Variants in FAF1 observed in about 807,000 individuals in gnomAD.
FAF1 encodes the protein FAS-associated factor 1.
Under a neutral mutation model 92.5 loss-of-function variants are expected in FAF1, and 25 were observed. That is an observed-to-expected ratio of 0.27 (90% CI 0.20 to 0.38). FAF1 has a LOEUF of 0.38. Ranked by LOEUF, FAF1 falls within the 10% of genes least tolerant of loss-of-function variation. The pLI is 1.00. For missense variants in FAF1, 636 were observed against 793.3 expected (o/e 0.80, Z 2.38); for synonymous variants, 234 against 273.2 (o/e 0.86, Z 1.42).
chr1:50,672,192 C>T (rs953531087), intron 7 of FAF1, among the ~76,000 whole-genome samples: 1 of 151,930 alleles, frequency 6.6e-6, no homozygotes, highest in Non-Finnish European at 1.5e-5. Context: ...TTACAGGCAC[C>T]TGCCACCATG....
At chr1:50,520,820 G>T (rs1174505426) in intron 15 of FAF1, among the ~76,000 whole-genome samples, 1 of 152,184 alleles carries the variant, frequency 6.6e-6, no homozygotes, top group East Asian at 1.9e-4. Flanking sequence ...ACTCCAGCAT[G>T]AGCAACAGAG....
At chr1:50,711,178 G>A (rs926224627) in intron 6 of FAF1, among the ~76,000 whole-genome samples, 19 of 152,092 alleles carry the variant, frequency 1.2e-4, no homozygotes, top group African/African-American at 4.1e-4. Context: ...AAAGTGCTGC[G>A]ATTACAGGCA....
intron 17 of FAF1, among the ~76,000 whole-genome samples, chr1:50,484,403 CG>C (rs933074259): frequency 6.6e-6 from 1 of 152,032 alleles, no homozygotes; most frequent in Non-Finnish European, 1.5e-5. Context: ...ATGAGAACAA[CG>C]GAACACTTCA....
chr1:50,590,368 A>G (rs1480928520), intron 9 of FAF1, among the ~76,000 whole-genome samples: 1 of 152,062 alleles, frequency 6.6e-6, no homozygotes, highest in East Asian at 1.9e-4. Context: ...CGCTTCTTTT[A>G]TTAGTTAATT....
intron 7 of FAF1, among the ~76,000 whole-genome samples, chr1:50,700,445 AT>A: frequency 6.6e-6 from 1 of 152,214 alleles, no homozygotes; most frequent in Middle Eastern, 3.4e-3. Flanking sequence ...CAAGCTGCTG[AT>A]TTTGCCTTTG....
chr1:50,681,024 G>GAATAATAAT (rs151079216), intron 7 of FAF1, among the ~76,000 whole-genome samples: 2 of 150,720 alleles, frequency 1.3e-5, no homozygotes, highest in African/African-American at 4.9e-5. Context: ...ACTACATTCA[G>GAATAATAAT]AATAATAATA....
Position 50,919,889 on chromosome 1 carries a change from G to A in FAF1, c.45+39878C>T, listed in dbSNP as rs931174083. Reference sequence around the variant, plus strand: ...AGAACAAGGGTGGGAAAAAAGAAATGTAAGAAGTATAGCAAAGATGAGATC... The same window carrying A: ...AGAACAAGGGTGGGAAAAAAGAAATATAAGAAGTATAGCAAAGATGAGATC... On this transcript the variant is annotated intron_variant, in intron 1 of 18. Coordinates refer to ENST00000396153, the MANE Select transcript of FAF1 (RefSeq NM_007051.3). 2.6e-5 allele frequency among the ~76,000 whole-genome samples: 4 copies of A among 152,198 alleles called. No homozygotes were observed. The East Asian group carries it at 7.7e-4, about 29-fold the overall frequency.
Position 50,786,081 on chromosome 1 carries a change from G to A in FAF1, c.367+1919C>T, listed in dbSNP as rs113565430. ...CCAGAGTTTGAGGCTACAGTGAGCCGCGATCACGCCACTGCACTCCAGCCT... is the reference window on the plus strand; with the variant it reads ...CCAGAGTTTGAGGCTACAGTGAGCCACGATCACGCCACTGCACTCCAGCCT... On this transcript the variant is annotated intron_variant, in intron 4 of 18. Transcript: ENST00000396153. Among the ~76,000 whole-genome samples the A allele has an allele frequency of 6.4e-3, 973 of 151,620 alleles. 7 individuals carry two copies. Among genetic ancestry groups the A allele is most frequent in the Non-Finnish European group, 0.01 (695 of 67,936 alleles).
chr1:50,503,807 T>C (rs1647022080), intron 15 of FAF1, among the ~76,000 whole-genome samples: 1 of 152,196 alleles, frequency 6.6e-6, no homozygotes. Flanking sequence ...TATGGTTTAA[T>C]TTTTAATAAA....
chr1:50,855,512 C>T (rs964906573), intron 2 of FAF1, among the ~76,000 whole-genome samples: 2 of 151,740 alleles, frequency 1.3e-5, no homozygotes, highest in Non-Finnish European at 3.0e-5. Context: ...GTTCTGTAAA[C>T]CCTAGAAAAT....
intron 7 of FAF1, among the ~76,000 whole-genome samples, chr1:50,672,305 T>C (rs1655930477): frequency 6.6e-6 from 1 of 152,178 alleles, no homozygotes. Flanking sequence ...CTTCCCAAAG[T>C]GCTGGGATTA....
intron 13 of FAF1, among the ~76,000 whole-genome samples, chr1:50,545,238 A>G (rs1247954131): frequency 6.6e-6 from 1 of 152,182 alleles, no homozygotes; most frequent in Non-Finnish European, 1.5e-5. Flanking sequence ...AAAGATATGC[A>G]AAATTACACA....
intron 6 of FAF1, among the ~76,000 whole-genome samples, chr1:50,728,860 G>A (rs1658777122): frequency 6.6e-6 from 1 of 150,450 alleles, no homozygotes; most frequent in African/African-American, 2.4e-5. Context: ...TAATCAAGCT[G>A]TAGTTTTATG....
chr1:50,675,888 AG>A (rs1656096420), intron 7 of FAF1, among the ~76,000 whole-genome samples: 1 of 152,254 alleles, frequency 6.6e-6, no homozygotes, highest in Non-Finnish European at 1.5e-5. Flanking sequence ...TTTATTGAGT[AG>A]CAGAGGCACT....
intron 6 of FAF1, among the ~76,000 whole-genome samples, chr1:50,724,237 C>CAAA (rs79635813): frequency 1.4e-4 from 12 of 88,846 alleles, no homozygotes; most frequent in South Asian, 4.1e-4. Flanking sequence ...GACTGTCTTT[C>CAAA]AAAAAAAAAA....
chr1:50,785,636 G>C (rs1661334867), intron 4 of FAF1, among the ~76,000 whole-genome samples: 1 of 150,968 alleles, frequency 6.6e-6, no homozygotes, highest in Non-Finnish European at 1.5e-5. Context: ...GAAAAGAAAA[G>C]GGAAAGAAAA....
At chr1:50,571,016 C>A (rs1650412197) in intron 12 of FAF1, among the ~76,000 whole-genome samples, 2 of 152,018 alleles carry the variant, frequency 1.3e-5, no homozygotes, top group Non-Finnish European at 2.9e-5. Context: ...TTTCCTTTGG[C>A]CCATTTAATA....
intron 1 of FAF1, among the ~76,000 whole-genome samples, chr1:50,896,712 C>T (rs1245919774): frequency 3.3e-5 from 5 of 152,124 alleles, no homozygotes; most frequent in African/African-American, 7.2e-5. Context: ...TATCATTCCA[C>T]TAAAATGAAG....
rs531402338 is a variant in FAF1, at chr1:50,670,340, C to G, written c.658-14812G>C. 1.2e-4 allele frequency among the ~76,000 whole-genome samples: 18 copies of G among 151,868 alleles called. No individual in the cohort carries two copies. In the East Asian group the frequency reaches 3.5e-3, roughly 30 times the overall value. Reference sequence around the variant, plus strand: ...TGGATTCAAACAATCTGCCTACCTGCACCTCCCAAAGTGCTGGGATTACAG... The same window carrying G: ...TGGATTCAAACAATCTGCCTACCTGGACCTCCCAAAGTGCTGGGATTACAG... On this transcript the variant is annotated intron_variant, in intron 7 of 18. Coordinates refer to ENST00000396153, the MANE Select transcript of FAF1 (RefSeq NM_007051.3).
Sources: gnomAD v4.1 joint callset for allele counts (sites outside exome capture counted in the v4.1 genomes callset) on GRCh38, gnomAD v4.1.1 for gene constraint, MANE v1.5 for transcripts, NCBI Gene and HGNC (gene_info 2026-07-23, HGNC 2026-07-21) for gene names.